CNTN1: variants seen among roughly 807,000 people sequenced by gnomAD.
CNTN1 encodes contactin 1.
Under a neutral mutation model 126.4 loss-of-function variants are expected in CNTN1, and 38 were observed. That is an observed-to-expected ratio of 0.30 (90% CI 0.23 to 0.39). The LOEUF (loss-of-function observed/expected upper bound fraction) is 0.39. Ranked by LOEUF, CNTN1 falls within the 10% of genes least tolerant of loss-of-function variation. The pLI is 1.00. For synonymous variants in CNTN1, 413 were observed against 422.6 expected (o/e 0.98, Z 0.28); for missense variants, 1,009 against 1,248.4 (o/e 0.81, Z 2.89).
chr12:40,914,241 C>T (rs564422295), intron 3 of CNTN1, among the ~76,000 whole-genome samples: 8 of 152,194 alleles, frequency 5.3e-5, no homozygotes, highest in Admixed American at 1.3e-4. Flanking sequence ...GCTTACATTA[C>T]TGGATCCTTT....
chr12:41,037,377 T>TTATGTATGTATATA (rs1949289409), intron 23 of CNTN1, among the ~76,000 whole-genome samples: 1 of 151,914 alleles, frequency 6.6e-6, no homozygotes, highest in African/African-American at 2.4e-5. Flanking sequence ...TTTTCTATAT[T>TTATGTATGTATATA]TATGTATGTA....
chr12:40,989,441 A>G (rs1948047740), intron 16 of CNTN1, among the ~76,000 whole-genome samples: 1 of 152,184 alleles, frequency 6.6e-6, no homozygotes, highest in East Asian at 1.9e-4. Flanking sequence ...ATAGAGTAGT[A>G]CTATCTGCTT....
intron 1 of CNTN1, among the ~76,000 whole-genome samples, chr12:40,694,221 G>C (rs1476442008): frequency 6.6e-6 from 1 of 152,194 alleles, no homozygotes; most frequent in African/African-American, 2.4e-5. Context: ...AACCCTTGCG[G>C]GGGTAGATGT....
intron 1 of CNTN1, among the ~76,000 whole-genome samples, chr12:40,870,594 A>C (rs1337900222): frequency 1.3e-5 from 2 of 152,138 alleles, no homozygotes; most frequent in African/African-American, 4.8e-5. Flanking sequence ...GAAATCAATA[A>C]ATCAAATTTT....
intron 14 of CNTN1, among the ~76,000 whole-genome samples, chr12:40,952,064 CA>C (rs200365648): frequency 1.1e-4 from 17 of 151,856 alleles, no homozygotes; most frequent in Admixed American, 1.1e-3. Context: ...ATTTAAATAG[CA>C]AAAAAATAAG....
intron 19 of CNTN1, among the ~76,000 whole-genome samples, chr12:41,019,345 G>C (rs1367927984): frequency 6.6e-6 from 1 of 152,022 alleles, no homozygotes; most frequent in African/African-American, 2.4e-5. Context: ...TTTAGTCATG[G>C]CTATTTGTAT....
In CNTN1 at chr12:41,028,069, T is replaced by C. The variant is rs895770810; in HGVS notation, c.2823+100T>C. On this transcript the variant is annotated intron_variant, in intron 22 of 23. Coordinates refer to ENST00000551295, the MANE Select transcript of CNTN1 (RefSeq NM_001843.4). The stretch of plus-strand genomic sequence containing the variant: ...TTTTTTGAGATGGAATTTTGCTCTG[T>C]CACCCAGACCGGAGTGCAGTGGTAC... 3 of 834,530 alleles carry C rather than the reference T, an allele frequency of 3.6e-6. No individual in the cohort carries two copies. In the African/African-American group the frequency reaches 5.1e-5, roughly 14 times the overall value. The allele number at this position is 834,530 out of a possible 1,614,324, so 51.7% of individuals were successfully genotyped here.
At chr12:40,696,968 C>A (rs1382957563) in intron 1 of CNTN1, among the ~76,000 whole-genome samples, 7 of 151,940 alleles carry the variant, frequency 4.6e-5, no homozygotes, top group African/African-American at 1.7e-4. Flanking sequence ...CTTAATATAC[C>A]ATAAACATTT....
chr12:41,018,126 T>G (rs1292900851), intron 19 of CNTN1, among the ~76,000 whole-genome samples: 1 of 152,076 alleles, frequency 6.6e-6, no homozygotes, highest in African/African-American at 2.4e-5. Flanking sequence ...AATAGCTTTC[T>G]TTATTCATGT....
chr12:40,893,494 A>AT (rs907490940), intron 1 of CNTN1, among the ~76,000 whole-genome samples: 23 of 151,940 alleles, frequency 1.5e-4, no homozygotes, highest in African/African-American at 4.3e-4. Context: ...TCAGGAAGCA[A>AT]TTTTTTTTAA....
chr12:40,895,952 G>C (rs1332906973), intron 1 of CNTN1: 1 of 150,712 alleles, frequency 6.6e-6, no homozygotes, highest in Non-Finnish European at 1.5e-5. Flanking sequence ...TTTTTTAGTA[G>C]AGACGGGGTT....
chr12:40,886,530 T>C (rs963357826), intron 1 of CNTN1, among the ~76,000 whole-genome samples: 2 of 152,214 alleles, frequency 1.3e-5, no homozygotes, highest in Non-Finnish European at 2.9e-5. Flanking sequence ...CTGTTCACTC[T>C]GATGGTAGTT....
At chr12:40,928,703 T>C (rs1383329775) in intron 6 of CNTN1, among the ~76,000 whole-genome samples, 1 of 152,120 alleles carries the variant, frequency 6.6e-6, no homozygotes, top group Non-Finnish European at 1.5e-5. Flanking sequence ...CTAAGCTAAA[T>C]ATAATGCCCA....
chr12:40,768,859 A>G (rs1939225857), intron 1 of CNTN1, among the ~76,000 whole-genome samples: 1 of 152,208 alleles, frequency 6.6e-6, no homozygotes, highest in African/African-American at 2.4e-5. Flanking sequence ...TTTAAATAGT[A>G]AGTTTATTCT....
chr12:40,758,009 T>C (rs936777169), intron 1 of CNTN1, among the ~76,000 whole-genome samples: 15 of 151,866 alleles, frequency 9.9e-5, no homozygotes, highest in African/African-American at 3.4e-4. Flanking sequence ...ATAACAAATG[T>C]AAATCTGTCT....
intron 1 of CNTN1, among the ~76,000 whole-genome samples, chr12:40,802,603 T>C (rs1258800511): frequency 1.3e-5 from 2 of 151,618 alleles, no homozygotes; most frequent in African/African-American, 4.8e-5. Flanking sequence ...CAAAAATAAA[T>C]CAGAAGGAGC....
chr12:40,720,975 GTTA>G (rs1942193173), intron 1 of CNTN1, among the ~76,000 whole-genome samples: 1 of 149,882 alleles, frequency 6.7e-6, no homozygotes, highest in African/African-American at 2.4e-5. Context: ...GTGTATATAT[GTTA>G]TAACATATAT....
chr12:40,914,595 C>T (rs1341218161), intron 3 of CNTN1, among the ~76,000 whole-genome samples: 2 of 152,038 alleles, frequency 1.3e-5, no homozygotes, highest in Admixed American at 1.3e-4. Context: ...TGAAGTGTGT[C>T]CTATTCTGCT....
At chr12:41,061,611 A>T (rs1263926060) in intron 23 of CNTN1, among the ~76,000 whole-genome samples, 1 of 152,236 alleles carries the variant, frequency 6.6e-6, no homozygotes, top group African/African-American at 2.4e-5. Flanking sequence ...TTTGATTAGC[A>T]TAAATAAGGG....
Sources: allele counts gnomAD v4.1 joint callset (sites outside exome capture counted in the v4.1 genomes callset), GRCh38; gene constraint gnomAD v4.1.1; transcripts MANE v1.5; gene names NCBI Gene and HGNC (gene_info 2026-07-23, HGNC 2026-07-21).